Variants in SLC24A2 observed in about 807,000 individuals in gnomAD.
SLC24A2 encodes the protein solute carrier family 24 member 2, also known as sodium/potassium/calcium exchanger 2.
In SLC24A2, 36 loss-of-function variants were observed where a neutral mutation model predicts 62.0. The ratio of observed to expected loss-of-function variants is 0.58; its 90% CI spans 0.44 to 0.77. The LOEUF (loss-of-function observed/expected upper bound fraction) is 0.77. Ranked by LOEUF, SLC24A2 falls within the 30% of genes least tolerant of loss-of-function variation. The probability of loss-of-function intolerance (pLI) is 0.00; values close to 1 mark genes in which losing one functional copy is unlikely to be tolerated. For missense variants in SLC24A2, 846 were observed against 817.9 expected (o/e 1.03, Z -0.42); for synonymous variants, 358 against 294.0 (o/e 1.22, Z -2.23).
chr9:19,752,624 T>TA (rs1171838872), intron 2 of SLC24A2, among the ~76,000 whole-genome samples: 8 of 150,974 alleles, frequency 5.3e-5, no homozygotes, highest in African/African-American at 1.7e-4. Flanking sequence ...ATAGACTTAA[T>TA]AAAAAACCTA....
intron 2 of SLC24A2, among the ~76,000 whole-genome samples, chr9:19,707,976 C>T (rs1820585730): frequency 6.6e-6 from 1 of 152,174 alleles, no homozygotes; most frequent in African/African-American, 2.4e-5. Flanking sequence ...TCCCTGTTTG[C>T]AGATGACATG....
the SLC24A2 span, among the ~76,000 whole-genome samples, chr9:19,816,225 C>T: frequency 6.6e-6 from 1 of 152,002 alleles, no homozygotes; most frequent in Non-Finnish European, 1.5e-5. Flanking sequence ...CATGGTTATT[C>T]AGGGACTCAG....
the SLC24A2 span, among the ~76,000 whole-genome samples, chr9:19,953,527 C>T: frequency 2.0e-5 from 3 of 152,026 alleles, no homozygotes; most frequent in South Asian, 6.2e-4. Flanking sequence ...GGCAGATATT[C>T]TCAGACGTTT....
At chr9:19,532,258 C>A (rs980342099) in intron 8 of SLC24A2, among the ~76,000 whole-genome samples, 9 of 152,012 alleles carry the variant, frequency 5.9e-5, no homozygotes, top group African/African-American at 1.9e-4. Flanking sequence ...CCATGCCCGG[C>A]TAATTTTTTG....
the SLC24A2 span, among the ~76,000 whole-genome samples, chr9:19,971,961 T>C: frequency 6.6e-6 from 1 of 152,162 alleles, no homozygotes; most frequent in African/African-American, 2.4e-5. Context: ...ACCTTTGTCC[T>C]TTGACTAAGG....
chr9:19,527,548 G>C (rs1169338687), intron 9 of SLC24A2, among the ~76,000 whole-genome samples: 1 of 152,214 alleles, frequency 6.6e-6, no homozygotes, highest in East Asian at 1.9e-4. Context: ...TGATTACTGA[G>C]AGTGTATTCT....
the SLC24A2 span, among the ~76,000 whole-genome samples, chr9:20,165,997 AT>A: frequency 6.6e-6 from 1 of 151,970 alleles, no homozygotes; most frequent in Admixed American, 6.6e-5. Flanking sequence ...TGAGCAAAAA[AT>A]TCACCAAAAA....
intron 8 of SLC24A2, among the ~76,000 whole-genome samples, chr9:19,545,500 G>A (rs1299474987): frequency 6.6e-6 from 1 of 152,028 alleles, no homozygotes; most frequent in Non-Finnish European, 1.5e-5. Context: ...CTTGAGAAGA[G>A]GTGTTCAGGT....
the SLC24A2 span, among the ~76,000 whole-genome samples, chr9:20,267,110 A>T: frequency 6.6e-6 from 1 of 152,186 alleles, no homozygotes; most frequent in Admixed American, 6.5e-5. Flanking sequence ...AAATTATCAT[A>T]AAACAGAATA....
At chr9:20,243,344 G>T in the SLC24A2 span, among the ~76,000 whole-genome samples, 1 of 152,080 alleles carries the variant, frequency 6.6e-6, no homozygotes, top group African/African-American at 2.4e-5. Flanking sequence ...TGACATACCA[G>T]CTCCTTCATT....
chr9:19,771,018 T>C (rs769668555), intron 2 of SLC24A2, among the ~76,000 whole-genome samples: 1 of 152,194 alleles, frequency 6.6e-6, no homozygotes, highest in Admixed American at 6.5e-5. Flanking sequence ...GGTGGTACGG[T>C]ATTCTAAGCA....
chr9:20,219,816 T>C, the SLC24A2 span, among the ~76,000 whole-genome samples: 1 of 152,202 alleles, frequency 6.6e-6, no homozygotes, highest in Admixed American at 6.5e-5. Flanking sequence ...CCTTGTGATA[T>C]TTGTTTGTCA....
chr9:19,736,938 C>T (rs1292437416), intron 2 of SLC24A2, among the ~76,000 whole-genome samples: 1 of 152,060 alleles, frequency 6.6e-6, no homozygotes, highest in Non-Finnish European at 1.5e-5. Flanking sequence ...AACATAGCTT[C>T]AAAAAAGACA....
the SLC24A2 span, among the ~76,000 whole-genome samples, chr9:19,821,772 C>T: frequency 1.3e-5 from 2 of 151,970 alleles, no homozygotes; most frequent in African/African-American, 2.4e-5. Context: ...TGTGCATGGC[C>T]ACGTGTTTGT....
At chr9:19,788,259 C>A (rs2118955309) in intron 1 of SLC24A2, among the ~76,000 whole-genome samples, 1 of 152,352 alleles carries the variant, frequency 6.6e-6, no homozygotes, top group Non-Finnish European at 1.5e-5. Context: ...CGAACGTCAA[C>A]GCTTAGCAGG....
chr9:20,094,050 T>C, the SLC24A2 span, among the ~76,000 whole-genome samples: 2 of 152,202 alleles, frequency 1.3e-5, no homozygotes, highest in South Asian at 4.1e-4. Flanking sequence ...ATTTTCATAA[T>C]ACTAAGAGGT....
the SLC24A2 span, among the ~76,000 whole-genome samples, chr9:19,798,204 C>A: frequency 1.3e-5 from 2 of 152,000 alleles, no homozygotes; most frequent in African/African-American, 2.4e-5. Context: ...TTTAATGCTT[C>A]ATCATTTTCT....
At chr9:20,203,902 A>T in the SLC24A2 span, among the ~76,000 whole-genome samples, 1 of 152,208 alleles carries the variant, frequency 6.6e-6, no homozygotes, top group Non-Finnish European at 1.5e-5. Flanking sequence ...TTCTTTGAGT[A>T]TTTATTCAAC....
intron 2 of SLC24A2, among the ~76,000 whole-genome samples, chr9:19,623,865 C>T (rs918998175): frequency 1.2e-4 from 19 of 152,246 alleles, no homozygotes; most frequent in Admixed American, 4.6e-4. Flanking sequence ...AAGGGTTCTG[C>T]GTTGGTGGTA....
Sources: allele counts gnomAD v4.1 joint callset (sites outside exome capture counted in the v4.1 genomes callset), GRCh38; gene constraint gnomAD v4.1.1; transcripts MANE v1.5; gene names NCBI Gene and HGNC (gene_info 2026-07-23, HGNC 2026-07-21).